TRPM3: variants seen among roughly 807,000 people sequenced by gnomAD.
TRPM3 encodes the protein transient receptor potential cation channel subfamily M member 3, also known as long transient receptor potential channel 3.
In TRPM3, 77 loss-of-function variants were observed where a neutral mutation model predicts 181.2. The ratio of observed to expected loss-of-function variants is 0.42; its 90% CI spans 0.35 to 0.51. The LOEUF (loss-of-function observed/expected upper bound fraction) is 0.51. Among genes scored for constraint, TRPM3 ranks in the 20% least tolerant of loss-of-function variants. The pLI, the probability that TRPM3 is intolerant of heterozygous loss-of-function variation, is 0.01. For synonymous variants in TRPM3, 745 were observed against 796.4 expected (o/e 0.94, Z 1.09); for missense variants, 1,759 against 2,196.7 (o/e 0.80, Z 3.98).
At chr9:71,032,329 T>C (rs2057633795) in intron 1 of TRPM3, among the ~76,000 whole-genome samples, 1 of 149,446 alleles carries the variant, frequency 6.7e-6, no homozygotes, top group South Asian at 2.1e-4. Context: ...AGAGATCACA[T>C]AAAAGAGAGC....
intron 1 of TRPM3, among the ~76,000 whole-genome samples, chr9:71,296,670 A>T (rs1394382759): frequency 6.6e-6 from 1 of 152,130 alleles, no homozygotes; most frequent in Non-Finnish European, 1.5e-5. Flanking sequence ...TATCTGATAT[A>T]TTTTTAAACT....
chr9:71,244,951 A>T (rs1194782123), intron 1 of TRPM3, among the ~76,000 whole-genome samples: 1 of 152,174 alleles, frequency 6.6e-6, no homozygotes, highest in Non-Finnish European at 1.5e-5. Flanking sequence ...TCAAAATGGA[A>T]CTTGAAAGAT....
chr9:71,070,248 A>AC (rs1385403786), intron 1 of TRPM3, among the ~76,000 whole-genome samples: 2 of 152,206 alleles, frequency 1.3e-5, no homozygotes, highest in African/African-American at 4.8e-5. Flanking sequence ...CTACTGGTGA[A>AC]CTTTTTCATG....
intron 6 of TRPM3, among the ~76,000 whole-genome samples, chr9:70,789,042 T>C (rs528250709): frequency 3.7e-4 from 57 of 152,264 alleles, no homozygotes; most frequent in Admixed American, 3.7e-3. Flanking sequence ...TCACCCCCAC[T>C]CTCTCTCCAT....
intron 1 of TRPM3, among the ~76,000 whole-genome samples, chr9:71,403,653 A>G (rs190317812): frequency 2.0e-5 from 3 of 152,330 alleles, no homozygotes; most frequent in Non-Finnish European, 2.9e-5. Context: ...ACGTATATGC[A>G]TAAAGAATTA....
chr9:71,011,189 G>A (rs570082294), intron 1 of TRPM3, among the ~76,000 whole-genome samples: 3 of 152,102 alleles, frequency 2.0e-5, no homozygotes, highest in Admixed American at 6.5e-5. Context: ...GGGAGAGACT[G>A]GTTAACAGGT....
At chr9:70,761,575 C>A (rs1434178806) in intron 8 of TRPM3, 26 bp downstream of exon 8, 1 of 1,613,894 alleles carries the variant, frequency 6.2e-7, no homozygotes, top group South Asian at 1.1e-5. Flanking sequence ...GTGGAGACAG[C>A]TGGCCACCCA....
In TRPM3 at chr9:70,531,194, T is replaced by A. The variant is rs1288399764; in HGVS notation, c.*4759A>T. 1.3e-5 allele frequency: 2 copies of A among 152,218 alleles called. No homozygotes were observed. The highest frequency in any genetic ancestry group is 3.8e-4 in the East Asian group (2 of 5,202). 9.4% of individuals were successfully genotyped at this position (152,218 alleles called of 1,614,324 possible). ...ATCACAGATGCACAACACCTAGACC[T>A]TGGCAGACCCAAGAGGTGTTGGCTT... On this transcript the variant is annotated 3_prime_UTR_variant, in exon 26 of 26. Coordinates refer to ENST00000677713, the MANE Select transcript of TRPM3 (RefSeq NM_001366145.2).
At chr9:71,446,688 T>A in exon 1 of TRPM3, 2 of 1,550,432 alleles carry the variant, frequency 1.3e-6, no homozygotes, top group Non-Finnish European at 1.7e-6. Flanking sequence ...GAGCGTTTGG[T>A]GGACCCCTGC....
At chr9:71,241,513 G>A (rs1332849631) in intron 1 of TRPM3, among the ~76,000 whole-genome samples, 1 of 134,282 alleles carries the variant, frequency 7.4e-6, no homozygotes, top group Non-Finnish European at 1.6e-5. Context: ...GGGGGAGGGG[G>A]GAGGGATAGC....
intron 1 of TRPM3, among the ~76,000 whole-genome samples, chr9:71,223,332 G>T (rs1053427187): frequency 2.6e-5 from 4 of 152,130 alleles, no homozygotes; most frequent in African/African-American, 9.7e-5. Flanking sequence ...TAAAGGGAAG[G>T]ACCCATTCCT....
At chr9:70,762,305 C>T (rs2078287289) in intron 7 of TRPM3, among the ~76,000 whole-genome samples, 1 of 152,142 alleles carries the variant, frequency 6.6e-6, no homozygotes, top group Non-Finnish European at 1.5e-5. Flanking sequence ...TGTTCTGTTA[C>T]AGTGAACAGT....
chr9:70,928,556 G>A (rs562463327), intron 1 of TRPM3, among the ~76,000 whole-genome samples: 3 of 152,140 alleles, frequency 2.0e-5, no homozygotes, highest in Non-Finnish European at 2.9e-5. Context: ...ACAATATGGA[G>A]CACCTGGAAC....
intron 1 of TRPM3, among the ~76,000 whole-genome samples, chr9:71,413,266 A>C (rs537936668): frequency 6.6e-6 from 1 of 152,232 alleles, no homozygotes; most frequent in African/African-American, 2.4e-5. Flanking sequence ...AAATTAAAAA[A>C]TTTATAACTC....
chr9:71,302,617 T>C (rs574095554), intron 1 of TRPM3, among the ~76,000 whole-genome samples: 2 of 152,024 alleles, frequency 1.3e-5, no homozygotes, highest in Admixed American at 6.6e-5. Context: ...TCAAAATGAG[T>C]TCTTAATGGC....
At chr9:70,588,422 G>C (rs1219501278) in intron 22 of TRPM3, among the ~76,000 whole-genome samples, 1 of 151,174 alleles carries the variant, frequency 6.6e-6, no homozygotes, top group Admixed American at 6.6e-5. Flanking sequence ...AATTAAGAAA[G>C]AGTATTTTCC....
At chr9:71,231,981 C>T (rs1565366641) in intron 1 of TRPM3, among the ~76,000 whole-genome samples, 2 of 152,160 alleles carry the variant, frequency 1.3e-5, no homozygotes, top group South Asian at 2.1e-4. Flanking sequence ...TTAAATGTCA[C>T]GTTTATATTA....
intron 22 of TRPM3, among the ~76,000 whole-genome samples, chr9:70,579,011 G>A (rs2054839800): frequency 6.6e-6 from 1 of 152,184 alleles, no homozygotes; most frequent in African/African-American, 2.4e-5. Context: ...AACTGCCCCT[G>A]GTTGAGAACC....
intron 1 of TRPM3, among the ~76,000 whole-genome samples, chr9:71,053,396 T>G (rs751758623): frequency 6.6e-6 from 1 of 152,038 alleles, no homozygotes; most frequent in Non-Finnish European, 1.5e-5. Context: ...AGGGAAAGTG[T>G]CCCAGAAATG....
Sources: gnomAD v4.1 joint callset for allele counts (sites outside exome capture counted in the v4.1 genomes callset) on GRCh38, gnomAD v4.1.1 for gene constraint, MANE v1.5 for transcripts, NCBI Gene and HGNC (gene_info 2026-07-23, HGNC 2026-07-21) for gene names.